TRPM3: variants seen among roughly 807,000 people sequenced by gnomAD.
TRPM3 encodes the protein transient receptor potential cation channel subfamily M member 3.
A neutral mutation model predicts 181.2 loss-of-function variants in TRPM3; 77 were observed. The ratio of observed to expected loss-of-function variants is 0.42; its 90% CI spans 0.35 to 0.51. TRPM3 has a LOEUF of 0.51. Ranked by LOEUF, TRPM3 falls within the 20% of genes least tolerant of loss-of-function variation. The pLI, the probability that TRPM3 is intolerant of heterozygous loss-of-function variation, is 0.01. For missense variants in TRPM3, 1,759 were observed against 2,196.7 expected (o/e 0.80, Z 3.98); for synonymous variants, 745 against 796.4 (o/e 0.94, Z 1.09).
chr9:70,800,244 T>C (rs1564353471), intron 6 of TRPM3, among the ~76,000 whole-genome samples: 1 of 152,258 alleles, frequency 6.6e-6, no homozygotes, highest in Non-Finnish European at 1.5e-5. Context: ...TGTGAATTTC[T>C]GGGTTGTAGT....
chr9:70,665,649 C>G (rs551927311), intron 9 of TRPM3, among the ~76,000 whole-genome samples: 6 of 152,082 alleles, frequency 3.9e-5, no homozygotes, highest in Non-Finnish European at 8.8e-5. Flanking sequence ...AAACATGTTA[C>G]TAATATAAAA....
At chr9:71,048,567 T>G (rs1167624322) in intron 1 of TRPM3, among the ~76,000 whole-genome samples, 1 of 152,210 alleles carries the variant, frequency 6.6e-6, no homozygotes, top group East Asian at 1.9e-4. Context: ...GGAGAACTCT[T>G]GACTGGTTCT....
At chr9:71,309,228 C>T (rs7021719) in intron 1 of TRPM3, among the ~76,000 whole-genome samples, 124,170 of 152,112 alleles carry the variant, frequency 0.82, 50,934 homozygotes, top group Middle Eastern at 0.86. Context: ...ATAGCTGTAA[C>T]GTTTAGGACA....
At chr9:71,360,531 T>A (rs939494304) in intron 1 of TRPM3, among the ~76,000 whole-genome samples, 4 of 152,208 alleles carry the variant, frequency 2.6e-5, no homozygotes, top group African/African-American at 9.6e-5. Flanking sequence ...TGCATTTGAT[T>A]TCTAATTTTA....
At chr9:70,932,461 TCATGATGGAGACAGA>T (rs756000732) in intron 1 of TRPM3, among the ~76,000 whole-genome samples, 14 of 152,126 alleles carry the variant, frequency 9.2e-5, no homozygotes, top group Non-Finnish European at 1.8e-4. Context: ...GCTTAAGATC[TCATGATGGAGACAGA>T]CATCATGTAA....
At chr9:71,115,151 C>A (rs2072050374) in intron 1 of TRPM3, among the ~76,000 whole-genome samples, 1 of 152,070 alleles carries the variant, frequency 6.6e-6, no homozygotes, top group South Asian at 2.1e-4. Context: ...CTGTTCTTCC[C>A]AGATACCAGC....
At chr9:71,047,373 C>T (rs781512488) in intron 1 of TRPM3, among the ~76,000 whole-genome samples, 11 of 152,086 alleles carry the variant, frequency 7.2e-5, no homozygotes, top group South Asian at 2.1e-4. Context: ...CACTCATATC[C>T]TCTAGCCTGA....
At chr9:71,151,312 A>G (rs192670999) in intron 1 of TRPM3, among the ~76,000 whole-genome samples, 7 of 152,268 alleles carry the variant, frequency 4.6e-5, no homozygotes, top group African/African-American at 1.4e-4. Context: ...AATACCAACA[A>G]TCCAAGAGAA....
intron 1 of TRPM3, among the ~76,000 whole-genome samples, chr9:71,095,758 CAAAAAAA>C (rs34934062): frequency 1.4e-4 from 12 of 85,306 alleles, no homozygotes; most frequent in Non-Finnish European, 2.1e-4. Context: ...GACTCTGTGT[CAAAAAAA>C]AAAAAAAAAA....
Position 71,119,767 on chromosome 9 carries a change from G to A in TRPM3, c.177+1411C>T, listed in dbSNP as rs568812540. Among the ~76,000 whole-genome samples, 10 of 152,254 alleles carry A rather than the reference G, an allele frequency of 6.6e-5. No individual in the cohort carries two copies. The South Asian group carries it at 1.9e-3, about 28-fold the overall frequency. On this transcript the variant is annotated intron_variant, in intron 1 of 25. Transcript: ENST00000677713. ...ATTCACTAGTGATTCTGGAGAAAAT[G>A]TACACCAATTTGTTAATTCTCTGGC...
chr9:71,164,016 G>A (rs2076399798), intron 1 of TRPM3, among the ~76,000 whole-genome samples: 1 of 152,134 alleles, frequency 6.6e-6, no homozygotes, highest in Non-Finnish European at 1.5e-5. Context: ...AGTATTAGCT[G>A]GGACTCTTTC....
At chr9:70,592,581 T>A (rs1020934917) in intron 21 of TRPM3, among the ~76,000 whole-genome samples, 2 of 152,164 alleles carry the variant, frequency 1.3e-5, no homozygotes, top group African/African-American at 4.8e-5. Context: ...GAGATTGGTT[T>A]CTATCGCTTG....
At chr9:70,653,818 G>T (rs2059921983) in intron 9 of TRPM3, among the ~76,000 whole-genome samples, 2 of 151,752 alleles carry the variant, frequency 1.3e-5, no homozygotes, top group South Asian at 4.2e-4. Context: ...CTCCTGTAAA[G>T]AACTCAGAAC....
rs373826835 is a variant in TRPM3, at chr9:71,310,141, A to G, written c.183+136512T>C. Among the ~76,000 whole-genome samples the G allele has an allele frequency of 9.2e-5, 14 of 152,226 alleles. 1 individual carries two copies. In the East Asian group the frequency reaches 1.9e-3, roughly 21 times the overall value. On this transcript the variant is annotated intron_variant, in intron 1 of 24. Transcript: ENST00000357533. ...GAAAGAAACAAGTCAAAAGCACAGG[A>G]TAAGAATTTTAAATCAATGAAATTA...
chr9:70,770,196 A>G (rs1422137838), intron 7 of TRPM3, among the ~76,000 whole-genome samples: 1 of 152,194 alleles, frequency 6.6e-6, no homozygotes, highest in African/African-American at 2.4e-5. Context: ...GCTTGAGGCC[A>G]GGAATTCAAG....
At chr9:71,283,990 T>TA (rs1483535718) in intron 1 of TRPM3, among the ~76,000 whole-genome samples, 2 of 152,192 alleles carry the variant, frequency 1.3e-5, no homozygotes, top group Admixed American at 6.5e-5. Flanking sequence ...AGTTAGACAA[T>TA]ATATTAGGGA....
At chr9:70,892,610 C>CAAAA (rs5898170) in intron 1 of TRPM3, among the ~76,000 whole-genome samples, 99 of 121,842 alleles carry the variant, frequency 8.1e-4, no homozygotes, top group Non-Finnish European at 1.3e-3. Context: ...CGTTTGACCT[C>CAAAA]AAAAAAAAAA....
At chr9:71,108,681 G>A (rs1399136951) in intron 1 of TRPM3, among the ~76,000 whole-genome samples, 1 of 152,194 alleles carries the variant, frequency 6.6e-6, no homozygotes, top group African/African-American at 2.4e-5. Flanking sequence ...AAGTAGATGG[G>A]CCAAGAGAGG....
intron 1 of TRPM3, among the ~76,000 whole-genome samples, chr9:70,866,301 G>T (rs2132475887): frequency 6.6e-6 from 1 of 152,072 alleles, no homozygotes; most frequent in South Asian, 2.1e-4. Flanking sequence ...CATTCAGAAG[G>T]CTCTTTTGTG....
Sources: gnomAD v4.1 joint callset for allele counts (sites outside exome capture counted in the v4.1 genomes callset) on GRCh38, gnomAD v4.1.1 for gene constraint, MANE v1.5 for transcripts, NCBI Gene and HGNC (gene_info 2026-07-23, HGNC 2026-07-21) for gene names.